Variants in ABAT observed in about 807,000 individuals in gnomAD.
The protein encoded by ABAT is 4-aminobutyrate aminotransferase, mitochondrial.
In ABAT, 45 loss-of-function variants were observed where a neutral mutation model predicts 64.6. That is an observed-to-expected ratio of 0.70 (90% CI 0.55 to 0.89). The LOEUF is 0.89. ABAT is among the 40% of genes least tolerant of loss of function. The pLI is 0.00. For synonymous variants in ABAT, 297 were observed against 250.5 expected, an observed-to-expected ratio of 1.19 and a Z score of -1.75; for missense variants, 633 against 658.4, an observed-to-expected ratio of 0.96 and a Z score of 0.42.
intron 2 of ABAT, 103 bp from the exon 3 acceptor site, chr16:8,745,898 G>C: frequency 8.9e-7 from 1 of 1,126,554 alleles, no homozygotes; most frequent in Non-Finnish European, 1.3e-6. Flanking sequence ...TGAGGCTAAG[G>C]TCCTGGCACT....
At chr16:8,725,865 C>T (rs1174703448) in intron 1 of ABAT, among the ~76,000 whole-genome samples, 1 of 151,982 alleles carries the variant, frequency 6.6e-6, no homozygotes, top group Non-Finnish European at 1.5e-5. Context: ...AGAGCTAATC[C>T]CTGCCTTCTT....
intron 1 of ABAT, among the ~76,000 whole-genome samples, chr16:8,723,039 C>A (rs1056299819): frequency 2.6e-5 from 4 of 152,052 alleles, no homozygotes; most frequent in South Asian, 2.1e-4. Context: ...TCAAGACCAG[C>A]CTAGCCAACA....
intron 1 of ABAT, among the ~76,000 whole-genome samples, chr16:8,730,908 A>T (rs910900524): frequency 3.3e-5 from 5 of 152,112 alleles, no homozygotes; most frequent in Non-Finnish European, 7.4e-5. Flanking sequence ...AAATAGTTTT[A>T]CTTTGTTTAC....
intron 4 of ABAT, among the ~76,000 whole-genome samples, chr16:8,748,829 C>A (rs1423699791): frequency 6.6e-6 from 1 of 152,080 alleles, no homozygotes; most frequent in Non-Finnish European, 1.5e-5. Flanking sequence ...AGTACAACCC[C>A]TTCTAGCTTT....
At chr16:8,717,077 G>T (rs1405903295) in intron 1 of ABAT, among the ~76,000 whole-genome samples, 1 of 152,192 alleles carries the variant, frequency 6.6e-6, no homozygotes, top group Non-Finnish European at 1.5e-5. Flanking sequence ...ATCACTTGAG[G>T]TCAGGAGTTT....
intron 1 of ABAT, among the ~76,000 whole-genome samples, chr16:8,707,624 A>T (rs918915657): frequency 6.6e-6 from 1 of 152,222 alleles, no homozygotes; most frequent in African/African-American, 2.4e-5. Flanking sequence ...CCTTTACGTC[A>T]GTTTGCAAGA....
intron 1 of ABAT, among the ~76,000 whole-genome samples, chr16:8,710,635 G>T (rs1025079164): frequency 6.7e-5 from 10 of 150,056 alleles, no homozygotes; most frequent in African/African-American, 2.4e-4. Context: ...AACTACTCAG[G>T]AGGCTGAGGT....
intron 14 of ABAT, among the ~76,000 whole-genome samples, chr16:8,779,201 G>A (rs2060356286): frequency 6.6e-6 from 1 of 152,228 alleles, no homozygotes; most frequent in African/African-American, 2.4e-5. Context: ...CACTTGAGTG[G>A]CCCAAGGTTA....
At chr16:8,677,149 C>A (rs2057223675) in intron 1 of ABAT, among the ~76,000 whole-genome samples, 1 of 152,198 alleles carries the variant, frequency 6.6e-6, no homozygotes, top group African/African-American at 2.4e-5. Flanking sequence ...CTCTCTGTGA[C>A]ATATCCTTGG....
At chr16:8,711,002 A>G (rs1435241080) in intron 1 of ABAT, among the ~76,000 whole-genome samples, 1 of 152,230 alleles carries the variant, frequency 6.6e-6, no homozygotes. Context: ...GTTATTCTGC[A>G]TGATGGATAT....
chr16:8,737,956 G>GAAAC (rs55778321), intron 2 of ABAT, among the ~76,000 whole-genome samples: 1 of 17,456 alleles, frequency 5.7e-5, no homozygotes, highest in Non-Finnish European at 1.1e-4. Context: ...AAGAAAGGAA[G>GAAAC]GAAGGAAGGA....
chr16:8,700,408 C>T (rs1234121978), intron 1 of ABAT, among the ~76,000 whole-genome samples: 1 of 152,108 alleles, frequency 6.6e-6, no homozygotes, highest in Non-Finnish European at 1.5e-5. Flanking sequence ...ACCATGTAAC[C>T]AGCACCTAGA....
At chr16:8,707,464 G>A (rs1277110094) in intron 1 of ABAT, among the ~76,000 whole-genome samples, 1 of 151,078 alleles carries the variant, frequency 6.6e-6, no homozygotes, top group Non-Finnish European at 1.5e-5. Context: ...TGGGATTACA[G>A]GCATGAGCCA....
At chr16:8,684,233 G>A (rs1021087105) in intron 1 of ABAT, among the ~76,000 whole-genome samples, 4 of 152,132 alleles carry the variant, frequency 2.6e-5, no homozygotes, top group Non-Finnish European at 5.9e-5. Flanking sequence ...TCATGAACAG[G>A]CCCAGAGAGT....
chr16:8,780,076 A>C lies in ABAT; in HGVS notation c.1381+486A>C, dbSNP rs2060388640. 2.0e-5 allele frequency among the ~76,000 whole-genome samples: 3 copies of C among 152,156 alleles called. No homozygotes were observed. The South Asian group carries it at 6.2e-4, about 32-fold the overall frequency. The stretch of plus-strand genomic sequence containing the variant: ...TTGACAAACAGGGATTGGCTGGGTG[A>C]AGAAGGTAAGGAAGAGCATTCTGGG... On this transcript the variant is annotated intron_variant, in intron 15 of 15. Transcript: ENST00000268251.
Position 8,764,730 on chromosome 16 carries a change from C to G in ABAT, c.448-8C>G. 1 of 1,613,778 alleles carries G rather than the reference C, an allele frequency of 6.2e-7. No homozygotes were observed. ...AGCCTGGGCTCACGGCTATTTCCCT[C>G]CCCACAGGTGGCTCCCAAAGGGATG... On this transcript the variant is annotated splice_polypyrimidine_tract_variant and splice_region_variant and intron_variant, in intron 7 of 15. Coordinates refer to ENST00000268251, the MANE Select transcript of ABAT (RefSeq NM_020686.6). The surrounding 1 kb of genome is among the most constrained non-coding windows in gnomAD (Gnocchi z 4.2).
At chr16:8,716,188 A>T (rs1489394501) in intron 1 of ABAT, among the ~76,000 whole-genome samples, 3 of 152,128 alleles carry the variant, frequency 2.0e-5, no homozygotes, top group Non-Finnish European at 4.4e-5. Context: ...AGCCCAGGCC[A>T]CATTATGCCC....
At chr16:8,735,423 T>G (rs1180463782) in intron 1 of ABAT, among the ~76,000 whole-genome samples, 1 of 152,086 alleles carries the variant, frequency 6.6e-6, no homozygotes, top group East Asian at 1.9e-4. Context: ...AGCTAATTTT[T>G]AAAGTCTTTG....
At chr16:8,729,644 C>T (rs1004146010) in intron 1 of ABAT, among the ~76,000 whole-genome samples, 2 of 151,836 alleles carry the variant, frequency 1.3e-5, no homozygotes, top group East Asian at 1.9e-4. Flanking sequence ...CACAGCGAGA[C>T]CCCTGTCTCT....
Sources: gnomAD v4.1 joint callset for allele counts (sites outside exome capture counted in the v4.1 genomes callset) on GRCh38, gnomAD v4.1.1 for gene constraint, Gnocchi (gnomAD v3.1) non-coding constraint, MANE v1.5 for transcripts, NCBI Gene and HGNC (gene_info 2026-07-23, HGNC 2026-07-21) for gene names.